GALNT13: variants seen among roughly 807,000 people sequenced by gnomAD.
GALNT13 encodes the protein UDP-GalNAc:polypeptide N-acetylgalactosaminyltransferase 13.
GALNT13 carries 28 observed loss-of-function variants against 64.2 expected under a neutral mutation model. That is an observed-to-expected ratio of 0.44 (90% CI 0.32 to 0.60). GALNT13 has a LOEUF of 0.60. GALNT13 is among the 20% of genes least tolerant of loss of function. GALNT13 has a pLI of 0.05. For missense variants in GALNT13, 577 were observed against 669.8 expected (o/e 0.86, Z 1.53); for synonymous variants, 214 against 224.6 (o/e 0.95, Z 0.42).
intron 4 of GALNT13, among the ~76,000 whole-genome samples, chr2:154,216,630 T>A (rs932610765): frequency 2.6e-5 from 4 of 152,190 alleles, no homozygotes; most frequent in South Asian, 4.2e-4. Context: ...CTTTTCTTTG[T>A]TCTTAATTTA....
chr2:153,502,877 A>G, the GALNT13 span, among the ~76,000 whole-genome samples: 1 of 151,940 alleles, frequency 6.6e-6, no homozygotes, highest in Non-Finnish European at 1.5e-5. Flanking sequence ...GGCCATTTGT[A>G]TGTCTTCTTT....
Position 154,452,705 on chromosome 2 carries a change from C to T in GALNT13, c.*2154C>T. ...TGTTAGAAAAGAATTTTTAAACAATCTTCAGATGGCTTGAACACGTGCCAT... is the reference window on the plus strand; with the variant it reads ...TGTTAGAAAAGAATTTTTAAACAATTTTCAGATGGCTTGAACACGTGCCAT... On this transcript the variant is annotated 3_prime_UTR_variant, in exon 13 of 13. Transcript: ENST00000392825. 6.6e-6 allele frequency: 1 copy of T among 152,144 alleles called. No homozygotes were observed. Among genetic ancestry groups the T allele is most frequent in the East Asian group, 1.9e-4 (1 of 5,184 alleles). The allele number at this position is 152,144 out of a possible 1,614,324, so 9.4% of individuals were successfully genotyped here.
the GALNT13 span, among the ~76,000 whole-genome samples, chr2:153,846,480 G>A: frequency 6.6e-6 from 1 of 152,050 alleles, no homozygotes; most frequent in Non-Finnish European, 1.5e-5. Context: ...TCAATTAAAA[G>A]AAAAGGCGAA....
the GALNT13 span, among the ~76,000 whole-genome samples, chr2:153,604,034 T>C: frequency 6.6e-6 from 1 of 152,194 alleles, no homozygotes; most frequent in African/African-American, 2.4e-5. Context: ...GACTGCTGAA[T>C]GGTTGATTCA....
chr2:153,702,352 G>T, the GALNT13 span, among the ~76,000 whole-genome samples: 1 of 152,098 alleles, frequency 6.6e-6, no homozygotes, highest in Non-Finnish European at 1.5e-5. Context: ...CTGAGGGTTA[G>T]GGGCAAGGGG....
chr2:154,100,297 G>T (rs974455003), intron 3 of GALNT13, among the ~76,000 whole-genome samples: 8 of 152,044 alleles, frequency 5.3e-5, no homozygotes, highest in Non-Finnish European at 8.8e-5. Context: ...ATTTCTTTGG[G>T]CAGTGTGGTC....
chr2:153,347,382 C>T, the GALNT13 span, among the ~76,000 whole-genome samples: 730 of 152,332 alleles, frequency 4.8e-3, 7 homozygotes, highest in African/African-American at 0.017. Flanking sequence ...CTTTGGTGCA[C>T]ATGCCATTGT....
At chr2:154,095,911 T>G (rs1370414091) in intron 3 of GALNT13, among the ~76,000 whole-genome samples, 1 of 151,996 alleles carries the variant, frequency 6.6e-6, no homozygotes, top group African/African-American at 2.4e-5. Flanking sequence ...AACCACAAAA[T>G]ACATAGATTA....
the GALNT13 span, among the ~76,000 whole-genome samples, chr2:153,278,075 C>T: frequency 4.6e-5 from 7 of 150,962 alleles, no homozygotes; most frequent in Non-Finnish European, 7.4e-5. Context: ...TACAGGCGCC[C>T]GCCACCACTC....
intron 9 of GALNT13, among the ~76,000 whole-genome samples, chr2:154,310,787 C>A (rs1347474654): frequency 6.6e-6 from 1 of 152,042 alleles, no homozygotes; most frequent in Non-Finnish European, 1.5e-5. Flanking sequence ...TCTCTCTTTA[C>A]CTAATCTCTG....
chr2:153,562,206 A>T, the GALNT13 span, among the ~76,000 whole-genome samples: 5,554 of 152,096 alleles, frequency 0.037, 311 homozygotes, highest in African/African-American at 0.12. Context: ...TTTACTAAAA[A>T]AATAGTCCAG....
chr2:153,723,223 T>C, the GALNT13 span, among the ~76,000 whole-genome samples: 1 of 144,784 alleles, frequency 6.9e-6, no homozygotes, highest in African/African-American at 2.6e-5. Flanking sequence ...TCTCAATAGA[T>C]GCAGAAAAAG....
chr2:153,535,934 G>A, the GALNT13 span, among the ~76,000 whole-genome samples: 3 of 152,222 alleles, frequency 2.0e-5, no homozygotes, highest in East Asian at 5.8e-4. Context: ...GGCCTTCTCA[G>A]ACCCTTTAGG....
the GALNT13 span, among the ~76,000 whole-genome samples, chr2:153,603,105 A>C: frequency 6.6e-6 from 1 of 151,912 alleles, no homozygotes; most frequent in Non-Finnish European, 1.5e-5. Flanking sequence ...GCTTACAATA[A>C]AGATATTTTC....
intron 3 of GALNT13, among the ~76,000 whole-genome samples, chr2:154,094,106 T>G (rs532012295): frequency 2.0e-5 from 3 of 152,090 alleles, no homozygotes; most frequent in Admixed American, 6.6e-5. Flanking sequence ...TTTATGCAGA[T>G]AAGTTGTTAT....
the GALNT13 span, among the ~76,000 whole-genome samples, chr2:153,557,476 C>T: frequency 6.6e-6 from 1 of 152,186 alleles, no homozygotes; most frequent in Non-Finnish European, 1.5e-5. Flanking sequence ...TTAGCTAATC[C>T]CTTGCCAAGG....
At chr2:153,851,487 G>A in the GALNT13 span, among the ~76,000 whole-genome samples, 1 of 151,798 alleles carries the variant, frequency 6.6e-6, no homozygotes, top group African/African-American at 2.4e-5. Flanking sequence ...GATGACTTGA[G>A]GCCAGGAGTT....
intron 2 of GALNT13, among the ~76,000 whole-genome samples, chr2:153,906,804 C>T (rs1265375158): frequency 6.6e-6 from 1 of 151,838 alleles, no homozygotes; most frequent in Non-Finnish European, 1.5e-5. Context: ...AGTTCTAGAT[C>T]CCTGAGGAAT....
intron 3 of GALNT13, among the ~76,000 whole-genome samples, chr2:154,089,910 C>G (rs1329160868): frequency 6.6e-6 from 1 of 150,958 alleles, no homozygotes; most frequent in African/African-American, 2.4e-5. Flanking sequence ...TAGAAACCAT[C>G]TCTTTGCTGC....
Sources: gnomAD v4.1 joint callset for allele counts (sites outside exome capture counted in the v4.1 genomes callset) on GRCh38, gnomAD v4.1.1 for gene constraint, MANE v1.5 for transcripts, NCBI Gene and HGNC (gene_info 2026-07-23, HGNC 2026-07-21) for gene names.